POLN: variants seen among roughly 807,000 people sequenced by gnomAD.
POLN encodes DNA polymerase nu, also known as DNA polymerase N.
In POLN, 108 loss-of-function variants were observed where a neutral mutation model predicts 113.5. That is an observed-to-expected ratio of 0.95 (90% CI 0.81 to 1.12). The LOEUF (loss-of-function observed/expected upper bound fraction) is 1.12. Among genes scored for constraint, POLN ranks in the 50% most tolerant of loss-of-function variants. The probability of loss-of-function intolerance (pLI) is 0.00; values close to 1 mark genes in which losing one functional copy is unlikely to be tolerated. For synonymous variants in POLN, 386 were observed against 391.5 expected (o/e 0.99, Z 0.17); for missense variants, 1,097 against 1,077.1 (o/e 1.02, Z -0.26).
chr4:2,073,491 C>T (rs970608910), intron 24 of POLN, among the ~76,000 whole-genome samples: 8 of 152,360 alleles, frequency 5.3e-5, no homozygotes, highest in Non-Finnish European at 8.8e-5. Flanking sequence ...AAGAACCCCC[C>T]ATCCCCACTA....
Position 2,080,964 on chromosome 4 carries a change from G to T in POLN, c.2381C>A (p.Thr794Lys). Residue 794 changes from threonine to lysine, a missense_variant, in exon 23 of 26, where the codon ACG (threonine) becomes AAG (lysine). Physicochemically the swap from Thr to Lys is moderately conservative, Grantham distance 78. Transcript: ENST00000511885. ...FTAVAASHTLTARLVAQIHDE... is the reference protein window; with the variant it reads ...FTAVAASHTLKARLVAQIHDE... ...GAGACCACCACCCACTGACCTGGCC[G>T]TCAAGGTGTGGGAAGCAGCCACTGC... 2.5e-6 allele frequency: 4 copies of T among 1,613,850 alleles called. No individual in the cohort carries two copies. The highest frequency in any genetic ancestry group is 3.4e-6 in the Non-Finnish European group (4 of 1,179,948).
chr4:2,191,886 G>A (rs745467093), intron 7 of POLN, among the ~76,000 whole-genome samples: 14 of 151,972 alleles, frequency 9.2e-5, no homozygotes, highest in Non-Finnish European at 1.3e-4. Flanking sequence ...AGGCCGAGGC[G>A]GGGAGATCAC....
chr4:2,097,547 A>G (rs1730824634), intron 19 of POLN, among the ~76,000 whole-genome samples: 1 of 151,942 alleles, frequency 6.6e-6, no homozygotes, highest in Non-Finnish European at 1.5e-5. Flanking sequence ...GACAGGTTTT[A>G]TCATGTTGGC....
Position 2,214,267 on chromosome 4 carries a change from G to A in POLN, c.134-1141C>T, listed in dbSNP as rs183063098. 1.1e-4 allele frequency among the ~76,000 whole-genome samples: 16 copies of A among 152,070 alleles called. No individual in the cohort carries two copies. In the East Asian group the frequency reaches 2.9e-3, roughly 28 times the overall value. On this transcript the variant is annotated intron_variant, in intron 3 of 25. Coordinates refer to ENST00000511885, the MANE Select transcript of POLN (RefSeq NM_181808.4). ...AAAAAAAGTAAGCTTAAAAAAGAGA[G>A]AGAGAAAAGACCTCTAGAAGAGAAC...
chr4:2,113,470 C>T (rs1261008212), intron 19 of POLN, among the ~76,000 whole-genome samples: 1 of 151,956 alleles, frequency 6.6e-6, no homozygotes, highest in African/African-American at 2.4e-5. Context: ...ATTTCAGGGA[C>T]AGCGTAAGTA....
intron 13 of POLN, among the ~76,000 whole-genome samples, chr4:2,169,045 T>A (rs183917077): frequency 1.3e-5 from 2 of 152,262 alleles, no homozygotes; most frequent in East Asian, 3.9e-4. Flanking sequence ...ACACAATGTT[T>A]AAGCTGACAA....
intron 24 of POLN, among the ~76,000 whole-genome samples, chr4:2,073,753 C>A (rs1730208860): frequency 6.6e-6 from 1 of 152,246 alleles, no homozygotes; most frequent in Non-Finnish European, 1.5e-5. Context: ...GCGGCAGGAG[C>A]CCCAAGCCGT....
At chr4:2,209,041 T>C (rs532121854) in intron 4 of POLN, among the ~76,000 whole-genome samples, 37 of 152,160 alleles carry the variant, frequency 2.4e-4, no homozygotes, top group South Asian at 2.3e-3. Context: ...AATCAGTGCA[T>C]GTAATGAGAC....
At position 2,155,215 on chromosome 4, in the gene POLN, C is replaced by T. The variant is rs189882099; in HGVS notation, c.1731+1573G>A. Among the ~76,000 whole-genome samples, 10 of 152,304 alleles carry T rather than the reference C, an allele frequency of 6.6e-5. No homozygotes were observed. In the East Asian group the frequency reaches 1.3e-3, roughly 21 times the overall value. On this transcript the variant is annotated intron_variant, in intron 16 of 25. Coordinates refer to ENST00000511885, the MANE Select transcript of POLN (RefSeq NM_181808.4). The stretch of plus-strand genomic sequence containing the variant: ...GGTTGAGAAATTAGCCCAAGGGTAA[C>T]GTGGCAGCAGTGCCTGCATTCAGAG...
chr4:2,089,151 A>T (rs1053345678), intron 20 of POLN: 1 of 1,347,330 alleles, frequency 7.4e-7, no homozygotes, highest in East Asian at 2.5e-5. Flanking sequence ...CAATATTTGA[A>T]TCTATTCCAG....
chr4:2,094,847 G>T (rs577022384), intron 20 of POLN, among the ~76,000 whole-genome samples: 8 of 152,296 alleles, frequency 5.3e-5, no homozygotes, highest in African/African-American at 1.9e-4. Context: ...AATCTACTAT[G>T]TGCTTGCCCC....
intron 16 of POLN, among the ~76,000 whole-genome samples, chr4:2,134,540 G>A (rs1454365479): frequency 6.6e-6 from 1 of 152,064 alleles, no homozygotes; most frequent in Non-Finnish European, 1.5e-5. Context: ...TGTTTGTTTT[G>A]CTTTTTGATC....
intron 3 of POLN, among the ~76,000 whole-genome samples, chr4:2,216,227 C>T (rs1240593390): frequency 1.3e-5 from 2 of 152,218 alleles, no homozygotes; most frequent in Admixed American, 6.5e-5. Flanking sequence ...AATTAAATGG[C>T]GTTCTTCCTG....
At chr4:2,077,464 G>C (rs1035466164) in intron 23 of POLN, among the ~76,000 whole-genome samples, 7 of 152,310 alleles carry the variant, frequency 4.6e-5, no homozygotes, top group African/African-American at 1.7e-4. Flanking sequence ...GGGGAGGTGG[G>C]CCTGTGCTTC....
chr4:2,220,400 T>A (rs1213579942), intron 3 of POLN, among the ~76,000 whole-genome samples: 1 of 152,216 alleles, frequency 6.6e-6, no homozygotes. Flanking sequence ...AGCTTCCTAC[T>A]GAGTTTCACA....
chr4:2,207,527 A>C (rs1733879077), intron 5 of POLN, among the ~76,000 whole-genome samples: 1 of 152,214 alleles, frequency 6.6e-6, no homozygotes. Flanking sequence ...GAATATATAA[A>C]GATCCAGAAT....
chr4:2,165,605 G>A (rs111770568), intron 13 of POLN, among the ~76,000 whole-genome samples: 4,334 of 151,710 alleles, frequency 0.029, 150 homozygotes, highest in East Asian at 0.1. Context: ...GACTCTGGGC[G>A]ATAACGATGT....
chr4:2,208,055 T>G lies in POLN; in HGVS notation c.646A>C (p.Lys216Gln). The G allele has an allele frequency of 6.2e-7, 1 of 1,614,220 alleles. No individual in the cohort carries two copies. Among genetic ancestry groups the G allele is most frequent in the Non-Finnish European group, 8.5e-7 (1 of 1,180,030 alleles). ...WAKSQLIEML[K>Q]QAAALVITVM... The stretch of plus-strand genomic sequence containing the variant: ...GTTATCACCAGGGCTGCTGCCTGTT[T>G]GAGCATTTCAATCAGCTGGCTTTTT... The change falls in exon 5 of 26, where the codon AAA becomes CAA. Residue 216 changes from lysine to glutamine, a missense_variant. Coordinates refer to ENST00000511885, the MANE Select transcript of POLN (RefSeq NM_181808.4).
rs1443847186 is a variant in POLN, at chr4:2,208,383, C to T, written c.318G>A (p.Gln106=). 1 of 1,613,510 alleles carries T rather than the reference C, an allele frequency of 6.2e-7. No individual in the cohort carries two copies. The highest frequency in any genetic ancestry group is 8.5e-7 in the Non-Finnish European group (1 of 1,179,946). Residue 106 remains glutamine, a synonymous_variant, in exon 5 of 26, where the codon CAG becomes CAA. Coordinates refer to ENST00000511885, the MANE Select transcript of POLN (RefSeq NM_181808.4). The part of the protein sequence containing the change: ...LTDQLSADQK[Q]KSISSLTLSS... ...AAAGAGTCAATGAGCTGATGCTCTT[C>T]TGTTTTTGGTCAGCAGACAGCTGAT...
Sources: allele counts gnomAD v4.1 joint callset (sites outside exome capture counted in the v4.1 genomes callset), GRCh38; gene constraint gnomAD v4.1.1; transcripts MANE v1.5; gene names NCBI Gene and HGNC (gene_info 2026-07-23, HGNC 2026-07-21).